Variants in CEP83 observed in about 807,000 individuals in gnomAD.
The protein encoded by CEP83 is centrosomal protein 83, also known as centrosomal protein of 83 kDa.
A neutral mutation model predicts 101.9 loss-of-function variants in CEP83; 70 were observed. The ratio of observed to expected loss-of-function variants is 0.69; its 90% CI spans 0.57 to 0.84. CEP83 has a LOEUF of 0.84. CEP83 is among the 40% of genes least tolerant of loss of function. CEP83 has a pLI of 0.00. For missense variants in CEP83, 715 were observed against 787.2 expected, an observed-to-expected ratio of 0.91 and a Z score of 1.10; for synonymous variants, 264 against 267.9, an observed-to-expected ratio of 0.99 and a Z score of 0.14.
chr12:94,389,813 C>T (rs1387891255), intron 6 of CEP83, among the ~76,000 whole-genome samples: 1 of 152,230 alleles, frequency 6.6e-6, no homozygotes, highest in Non-Finnish European at 1.5e-5. Context: ...CAAGGAGATT[C>T]TCTCCCATGC....
intron 8 of CEP83, among the ~76,000 whole-genome samples, chr12:94,370,777 C>G (rs2061266003): frequency 1.3e-5 from 2 of 152,022 alleles, no homozygotes; most frequent in South Asian, 4.2e-4. Flanking sequence ...GTGTTTGAGG[C>G]CTGGTGTTGG....
At chr12:94,309,820 T>C (rs1256678326) in intron 16 of CEP83, 98 bp downstream of exon 16, 1 of 736,218 alleles carries the variant, frequency 1.4e-6, no homozygotes, top group African/African-American at 1.8e-5. Context: ...TTTTGAGCAC[T>C]GACCAAAGTT....
chr12:94,436,643 T>C (rs376723333), intron 1 of CEP83, among the ~76,000 whole-genome samples: 1 of 151,784 alleles, frequency 6.6e-6, no homozygotes, highest in Non-Finnish European at 1.5e-5. Flanking sequence ...CCATCCTGGC[T>C]AACATGGTGA....
At chr12:94,377,225 C>A (rs1593530387) in intron 7 of CEP83, among the ~76,000 whole-genome samples, 1 of 152,138 alleles carries the variant, frequency 6.6e-6, no homozygotes, top group Non-Finnish European at 1.5e-5. Flanking sequence ...CCTCAACACA[C>A]GTGCATTAGC....
intron 6 of CEP83, among the ~76,000 whole-genome samples, chr12:94,383,904 T>C (rs144765694): frequency 6.6e-6 from 1 of 152,104 alleles, no homozygotes; most frequent in Non-Finnish European, 1.5e-5. Context: ...TGCTCATTTA[T>C]AATATAATTA....
intron 11 of CEP83, among the ~76,000 whole-genome samples, chr12:94,347,823 G>A (rs571977391): frequency 2.6e-5 from 4 of 152,146 alleles, no homozygotes; most frequent in Non-Finnish European, 5.9e-5. Flanking sequence ...GAGACATAAA[G>A]AAACTTTTGG....
intron 7 of CEP83, among the ~76,000 whole-genome samples, chr12:94,377,705 C>A (rs2137153955): frequency 6.6e-6 from 1 of 152,196 alleles, no homozygotes; most frequent in South Asian, 2.1e-4. Context: ...TTCAACTTGC[C>A]CTGAAAATAA....
chr12:94,409,589 C>T (rs1032476588), intron 4 of CEP83, among the ~76,000 whole-genome samples: 15 of 152,168 alleles, frequency 9.9e-5, no homozygotes, highest in African/African-American at 3.4e-4. Flanking sequence ...AAAAAGGATT[C>T]TGCTTTGGAC....
intron 1 of CEP83, among the ~76,000 whole-genome samples, chr12:94,457,770 A>G (rs925940208): frequency 3.3e-5 from 5 of 152,254 alleles, no homozygotes; most frequent in African/African-American, 1.2e-4. Flanking sequence ...ATACTTGCTT[A>G]CTTGAAAGGT....
At chr12:94,340,436 ATT>A (rs143511419) in intron 11 of CEP83, among the ~76,000 whole-genome samples, 255 of 141,266 alleles carry the variant, frequency 1.8e-3, no homozygotes, top group Middle Eastern at 3.7e-3. Context: ...TTGTCTCTAG[ATT>A]TTTTTTTTTT....
chr12:94,422,202 T>C (rs1054420455), intron 2 of CEP83, among the ~76,000 whole-genome samples: 4 of 152,238 alleles, frequency 2.6e-5, no homozygotes, highest in Admixed American at 6.5e-5. Flanking sequence ...AAGAACAGAA[T>C]GTGAAGTCCC....
intron 1 of CEP83, among the ~76,000 whole-genome samples, chr12:94,455,767 G>T (rs562025592): frequency 4.6e-5 from 7 of 152,264 alleles, no homozygotes; most frequent in Admixed American, 2.6e-4. Context: ...ATAGTAGGCC[G>T]GGCGCATTGG....
chr12:94,408,888 T>C (rs1041367039), intron 4 of CEP83, among the ~76,000 whole-genome samples: 8 of 152,170 alleles, frequency 5.3e-5, no homozygotes, highest in African/African-American at 9.6e-5. Flanking sequence ...ACTAACACTT[T>C]CTATGCACTG....
At chr12:94,404,491 C>T (rs182934529) in intron 4 of CEP83, among the ~76,000 whole-genome samples, 46 of 152,188 alleles carry the variant, frequency 3.0e-4, no homozygotes, top group African/African-American at 1.0e-3. Flanking sequence ...ACATTAAGTA[C>T]TACAGAAAAT....
intron 11 of CEP83, among the ~76,000 whole-genome samples, chr12:94,340,330 C>A: frequency 6.6e-6 from 1 of 152,156 alleles, no homozygotes; most frequent in East Asian, 1.9e-4. Flanking sequence ...CCACTCCACA[C>A]AGAGACATGG....
At chr12:94,430,222 T>C (rs2065516136) in intron 2 of CEP83, among the ~76,000 whole-genome samples, 1 of 151,704 alleles carries the variant, frequency 6.6e-6, no homozygotes, top group South Asian at 2.1e-4. Flanking sequence ...AGCAAGAAAA[T>C]ATCATACCTC....
intron 2 of CEP83, among the ~76,000 whole-genome samples, chr12:94,415,630 T>C (rs925909202): frequency 3.9e-5 from 6 of 151,920 alleles, no homozygotes; most frequent in Non-Finnish European, 8.8e-5. Flanking sequence ...ATGATAAAGG[T>C]TAAATACACC....
At chr12:94,389,051 A>G (rs10745683) in intron 6 of CEP83, among the ~76,000 whole-genome samples, 114,688 of 152,152 alleles carry the variant, frequency 0.75, 44,645 homozygotes, top group East Asian at 0.97. Context: ...TGCTTAAACC[A>G]AGGAGGCAGA....
intron 11 of CEP83, among the ~76,000 whole-genome samples, chr12:94,344,302 A>G (rs1018738712): frequency 1.3e-5 from 2 of 152,250 alleles, no homozygotes; most frequent in African/African-American, 2.4e-5. Flanking sequence ...GATACACGTA[A>G]AGCAGTGATG....
Sources: allele counts gnomAD v4.1 joint callset (sites outside exome capture counted in the v4.1 genomes callset), GRCh38; gene constraint gnomAD v4.1.1; transcripts MANE v1.5; gene names NCBI Gene and HGNC (gene_info 2026-07-23, HGNC 2026-07-21).